The following GBP7 variants were observed in gnomAD, a reference collection of about 807,000 sequenced individuals.
GBP7 encodes guanylate-binding protein 7.
GBP7 carries 43 observed loss-of-function variants against 61.3 expected under a neutral mutation model. That is an observed-to-expected ratio of 0.70 (90% CI 0.55 to 0.91). The LOEUF is 0.91. Among genes scored for constraint, GBP7 ranks in the 40% least tolerant of loss-of-function variants. The pLI is 0.00. For missense variants in GBP7, 717 were observed against 740.5 expected, an observed-to-expected ratio of 0.97 and a Z score of 0.37; for synonymous variants, 267 against 271.0, an observed-to-expected ratio of 0.99 and a Z score of 0.14.
intron 1 of GBP7, among the ~76,000 whole-genome samples, chr1:89,173,707 A>G (rs1203517938): frequency 1.3e-5 from 2 of 152,116 alleles, no homozygotes; most frequent in Non-Finnish European, 2.9e-5. Flanking sequence ...TACATTTGTT[A>G]CTGTTTGTGT....
chr1:89,140,185 G>A (rs1368410116), intron 9 of GBP7, among the ~76,000 whole-genome samples: 6 of 149,446 alleles, frequency 4.0e-5, no homozygotes, highest in South Asian at 2.1e-4. Flanking sequence ...GCAAACTATC[G>A]CAAGGACAAA....
chr1:89,157,733 A>C (rs532467027), intron 3 of GBP7, among the ~76,000 whole-genome samples: 1 of 152,124 alleles, frequency 6.6e-6, no homozygotes, highest in Non-Finnish European at 1.5e-5. Context: ...ACCAAAAAAA[A>C]AAAGTCCAGG....
At chr1:89,155,005 C>T (rs981226053) in intron 3 of GBP7, among the ~76,000 whole-genome samples, 1 of 152,116 alleles carries the variant, frequency 6.6e-6, no homozygotes, top group African/African-American at 2.4e-5. Flanking sequence ...ACAAAGCTTC[C>T]GGAGGAAGGA....
In GBP7 at chr1:89,132,415, A is replaced by G. The variant is rs1299256126; in HGVS notation, c.1663-12T>C. The G allele has an allele frequency of 6.4e-7, 1 of 1,561,880 alleles. No individual in the cohort carries two copies. The highest frequency in any genetic ancestry group is 8.6e-7 in the Non-Finnish European group (1 of 1,161,214). On this transcript the variant is annotated splice_polypyrimidine_tract_variant and intron_variant, in intron 10 of 10. Coordinates refer to ENST00000294671, the MANE Select transcript of GBP7 (RefSeq NM_207398.3). ...AGTTCTTCTAGGACCTATAAAAGTA[A>G]AAGAGCCTACTTTTGAAAATCCCCA...
In GBP7 at chr1:89,164,800, C is replaced by T. The variant is rs1190731111; in HGVS notation, c.249G>A (p.Val83=). 1.2e-6 allele frequency: 2 copies of T among 1,613,660 alleles called. No individual in the cohort carries two copies. Among genetic ancestry groups the T allele is most frequent in the Non-Finnish European group, 1.7e-6 (2 of 1,179,622 alleles). The part of the protein sequence containing the change: ...SETKGIWMWC[V]PHPSKPNHTL... ...TGTGGTTTGGCTTGGAGGGGTGGGG[C>T]ACACACCACATCCAGATGCCTTTGG... Residue 83 remains valine, a synonymous_variant, in exon 3 of 11, where the codon GTG becomes GTA. Coordinates refer to ENST00000294671, the MANE Select transcript of GBP7 (RefSeq NM_207398.3).
intron 3 of GBP7, 38 bp from the exon 4 acceptor site, chr1:89,152,815 C>T (rs1390303662): frequency 2.7e-6 from 4 of 1,501,448 alleles, no homozygotes; most frequent in Non-Finnish European, 3.6e-6. Flanking sequence ...ATGGAAGCCA[C>T]AGTTTAGATA....
intron 3 of GBP7, among the ~76,000 whole-genome samples, chr1:89,157,417 G>A (rs1209411916): frequency 1.3e-5 from 2 of 152,120 alleles, no homozygotes; most frequent in African/African-American, 2.4e-5. Flanking sequence ...GAATCAAGGA[G>A]CTGGTTTTTG....
At chr1:89,139,303 A>T (rs1681880605) in intron 9 of GBP7, among the ~76,000 whole-genome samples, 1 of 152,262 alleles carries the variant, frequency 6.6e-6, no homozygotes, top group East Asian at 1.9e-4. Context: ...TTCAAGATGG[A>T]TTAAAGACTT....
intron 9 of GBP7, among the ~76,000 whole-genome samples, chr1:89,139,859 T>G (rs1344942210): frequency 2.0e-5 from 3 of 152,158 alleles, no homozygotes; most frequent in Non-Finnish European, 2.9e-5. Flanking sequence ...GTAAACTAGT[T>G]CAACCATTGT....
chr1:89,147,664 C>G lies in GBP7; in HGVS notation c.1268G>C (p.Arg423Thr). Residue 423 changes from arginine to threonine, a missense_variant, in exon 8 of 11, where the codon AGA becomes ACA. By Grantham distance (71) the Arg-to-Thr change is moderately conservative. This residue lies in a region of GBP7 where 312 missense variants were observed against 310.1 expected (regional missense o/e 1.01). Transcript: ENST00000294671. Reference sequence around the variant, plus strand: ...CCCCCCCGGAACAAAGAAAGTTCCTCTTGAAATACTTTCTGTCAAGAGCTC... The same window carrying G: ...CCCCCCCGGAACAAAGAAAGTTCCTGTTGAAATACTTTCTGTCAAGAGCTC... ...LSELLTESIS[R>T]GTFFVPGGHN... 3.7e-6 allele frequency: 6 copies of G among 1,614,188 alleles called. No homozygotes were observed. Among genetic ancestry groups the G allele is most frequent in the Non-Finnish European group, 4.2e-6 (5 of 1,180,030 alleles).
chr1:89,149,785 A>G (rs1269302096), intron 6 of GBP7, among the ~76,000 whole-genome samples: 1 of 151,862 alleles, frequency 6.6e-6, no homozygotes, highest in East Asian at 1.9e-4. Flanking sequence ...TATTCTTTCT[A>G]TTTTGTTCTC....
intron 3 of GBP7, among the ~76,000 whole-genome samples, chr1:89,153,834 A>G (rs1682256041): frequency 6.6e-6 from 1 of 152,246 alleles, no homozygotes; most frequent in Non-Finnish European, 1.5e-5. Flanking sequence ...TCTAACTCAA[A>G]TAAGATGGCA....
chr1:89,173,277 GA>G (rs1647655811), intron 1 of GBP7, among the ~76,000 whole-genome samples: 1 of 152,092 alleles, frequency 6.6e-6, no homozygotes, highest in South Asian at 2.1e-4. Context: ...GCAAAGTTAA[GA>G]AATATATGTA....
At chr1:89,152,229 G>GTAT in intron 5 of GBP7, 39 bp downstream of exon 5, 1 of 1,581,510 alleles carries the variant, frequency 6.3e-7, no homozygotes, top group Non-Finnish European at 8.7e-7. Flanking sequence ...GATCCCACCC[G>GTAT]CTACTGAACC....
rs759139135 is a variant in GBP7 at position 89,149,275 on chromosome 1, A to T, written c.1152+17T>A. On this transcript the variant is annotated intron_variant, in intron 7 of 10. Coordinates refer to ENST00000294671, the MANE Select transcript of GBP7 (RefSeq NM_207398.3). ...AGAAAGGCAGGAATCAAGAAAAAAAAAAATAACAAAGATTACCACAAGCTT... is the reference window on the plus strand; with the variant it reads ...AGAAAGGCAGGAATCAAGAAAAAAATAAATAACAAAGATTACCACAAGCTT... 1.3e-6 allele frequency: 2 copies of T among 1,576,874 alleles called. No individual in the cohort carries two copies. Among genetic ancestry groups the T allele is most frequent in the South Asian group, 2.4e-5 (2 of 84,900 alleles).
intron 1 of GBP7, among the ~76,000 whole-genome samples, chr1:89,172,587 G>A (rs1192000980): frequency 2.0e-5 from 3 of 152,106 alleles, no homozygotes; most frequent in African/African-American, 7.2e-5. Context: ...TGTATTAAGG[G>A]ATTCATGATG....
In GBP7 at chr1:89,149,320, T is replaced by G. The variant is rs773736455; in HGVS notation, c.1124A>C (p.Lys375Thr). The stretch of plus-strand genomic sequence containing the variant: ...AAGCTTCTTCTGAAATTCCTGGCTT[T>G]TATCTTTGAAGGAGTACTCCATGAA... ...AVFMEYSFKDKSQEFQKKLVD... is the reference protein window; with the variant it reads ...AVFMEYSFKDTSQEFQKKLVD... Residue 375 changes from lysine (K) to threonine (T), a missense_variant, in exon 7 of 11, where the codon AAA (lysine) becomes ACA (threonine). This residue lies in a region of GBP7 where 312 missense variants were observed against 310.1 expected (regional missense o/e 1.01). Transcript: ENST00000294671. 1 of 1,607,150 alleles carries G rather than the reference T, an allele frequency of 6.2e-7. No individual in the cohort carries two copies. The highest frequency in any genetic ancestry group is 8.5e-7 in the Non-Finnish European group (1 of 1,175,832).
intron 1 of GBP7, among the ~76,000 whole-genome samples, chr1:89,175,651 A>G (rs1647720941): frequency 6.6e-6 from 1 of 152,226 alleles, no homozygotes; most frequent in African/African-American, 2.4e-5. Context: ...ATATTTAAAG[A>G]TAACAGTAAT....
Position 89,131,860 on chromosome 1 carries a change from C to G in GBP7, c.*289G>C. On this transcript the variant is annotated 3_prime_UTR_variant, in exon 11 of 11. Transcript: ENST00000294671. ...ACTGATTTGCAAGAGCTAATTATAACTTAAATTATCTCTGTGACTATAACA... is the reference window on the plus strand; with the variant it reads ...ACTGATTTGCAAGAGCTAATTATAAGTTAAATTATCTCTGTGACTATAACA... 1 of 221,584 alleles carries G rather than the reference C, an allele frequency of 4.5e-6. No individual in the cohort carries two copies. Among genetic ancestry groups the G allele is most frequent in the Non-Finnish European group, 8.8e-6 (1 of 113,900 alleles). The allele number at this position is 221,584 out of a possible 1,614,324, so 13.7% of individuals were successfully genotyped here.
Sources: gnomAD v4.1 joint callset for allele counts (sites outside exome capture counted in the v4.1 genomes callset) on GRCh38, gnomAD v4.1.1 for gene constraint, gnomAD v4.1.1 regional missense constraint, MANE v1.5 for transcripts, NCBI Gene and HGNC (gene_info 2026-07-23, HGNC 2026-07-21) for gene names.